The following LRTM1 variants were observed in gnomAD, a reference collection of about 807,000 sequenced individuals.
LRTM1 encodes leucine-rich repeat and transmembrane domain-containing protein 1.
In LRTM1, 38 loss-of-function variants were observed where a neutral mutation model predicts 32.4. That is an observed-to-expected ratio of 1.17 (90% CI 0.91 to 1.54). LRTM1 has a LOEUF of 1.54. Ranked by LOEUF, LRTM1 falls within the 40% of genes most tolerant of loss-of-function variation. LRTM1 has a pLI of 0.00. For synonymous variants in LRTM1, 186 were observed against 169.9 expected, an observed-to-expected ratio of 1.09 and a Z score of -0.74; for missense variants, 466 against 415.4, an observed-to-expected ratio of 1.12 and a Z score of -1.06.
At chr3:54,942,728 A>C (rs1367917339) in intron 1 of LRTM1, among the ~76,000 whole-genome samples, 2 of 152,064 alleles carry the variant, frequency 1.3e-5, no homozygotes, top group African/African-American at 2.4e-5. Context: ...ATCTCTAAAA[A>C]AATAAAAAAA....
chr3:54,945,847 G>T (rs1701599415), intron 1 of LRTM1, among the ~76,000 whole-genome samples: 1 of 152,196 alleles, frequency 6.6e-6, no homozygotes, highest in Admixed American at 6.5e-5. Flanking sequence ...CAGGTAGTCA[G>T]TGGGCAATGC....
chr3:54,951,510 C>G (rs914512743), intron 1 of LRTM1, among the ~76,000 whole-genome samples: 11 of 152,184 alleles, frequency 7.2e-5, no homozygotes, highest in Non-Finnish European at 1.6e-4. Context: ...TGTAGGATTT[C>G]AGTTACTGTG....
intron 1 of LRTM1, among the ~76,000 whole-genome samples, chr3:54,947,457 G>A (rs2107005012): frequency 6.6e-6 from 1 of 152,312 alleles, no homozygotes. Context: ...TGCCAGTGCA[G>A]GATAGGACTT....
intron 1 of LRTM1, among the ~76,000 whole-genome samples, chr3:54,942,005 A>G (rs1224973260): frequency 6.6e-6 from 1 of 152,238 alleles, no homozygotes; most frequent in East Asian, 1.9e-4. Context: ...TCCAGAGATC[A>G]TCACAAGTGG....
chr3:54,952,373 G>A (rs1250717839), intron 1 of LRTM1, among the ~76,000 whole-genome samples: 7 of 152,120 alleles, frequency 4.6e-5, no homozygotes, highest in Admixed American at 3.9e-4. Context: ...GAGGGAGGCC[G>A]CAAACATGAA....
chr3:54,965,016 A>G (rs1702116876), intron 1 of LRTM1, among the ~76,000 whole-genome samples: 1 of 152,104 alleles, frequency 6.6e-6, no homozygotes, highest in African/African-American at 2.4e-5. Flanking sequence ...CCACTTCGAT[A>G]CTAAAGACCT....
rs527378247 is a variant in LRTM1, at chr3:54,920,832, A to G, written c.605-1940T>C. ...CCACCTTGACTAGGGTGGTTTACCC[A>G]ATCACCCCAGACTTAAGAACTGTGT... On this transcript the variant is annotated intron_variant, in intron 2 of 2. Coordinates refer to ENST00000273286, the MANE Select transcript of LRTM1 (RefSeq NM_020678.4). Among the ~76,000 whole-genome samples the G allele has an allele frequency of 1.2e-4, 19 of 152,288 alleles. 1 individual carries two copies. The South Asian group carries it at 3.9e-3, about 32-fold the overall frequency.
At chr3:54,946,687 A>G (rs6778581) in intron 1 of LRTM1, among the ~76,000 whole-genome samples, 40,128 of 151,796 alleles carry the variant, frequency 0.26, 5,623 homozygotes, top group African/African-American at 0.35. Flanking sequence ...ATTTTGGCCA[A>G]CCTCAGAAAA....
chr3:54,930,106 T>C (rs1293192933), upstream of LRTM1, among the ~76,000 whole-genome samples: 2 of 152,218 alleles, frequency 1.3e-5, no homozygotes, highest in Non-Finnish European at 2.9e-5. Context: ...AATCAATGGG[T>C]GTGCCTGCAT....
chr3:54,951,021 T>C (rs1701743947), intron 1 of LRTM1, among the ~76,000 whole-genome samples: 1 of 152,222 alleles, frequency 6.6e-6, no homozygotes. Context: ...TAATATTCCC[T>C]TTACTATCTC....
In LRTM1 at chr3:54,925,082, A is replaced by G. The variant is rs1406058545; in HGVS notation, c.141T>C (p.His47=). The change falls in exon 2 of 3, where the codon CAT becomes CAC. Residue 47 remains histidine, a synonymous_variant. Coordinates refer to ENST00000273286, the MANE Select transcript of LRTM1 (RefSeq NM_020678.4). The stretch of plus-strand genomic sequence containing the variant: ...GCAGCGTTCGAGTCTGAGGAGGTAA[A>G]TGGGAAGGGATTTCGGCCAGACCCT... The part of the protein sequence containing the change: ...SQQGLAEIPS[H]LPPQTRTLHL... 2 of 1,614,116 alleles carry G rather than the reference A, an allele frequency of 1.2e-6. No individual in the cohort carries two copies. The highest frequency in any genetic ancestry group is 1.1e-5 in the South Asian group (1 of 91,078).
chr3:54,957,198 C>T (rs1280010471), intron 1 of LRTM1, among the ~76,000 whole-genome samples: 1 of 151,720 alleles, frequency 6.6e-6, no homozygotes, highest in East Asian at 1.9e-4. Context: ...GGGTTTCTGT[C>T]CCCCAGGCTG....
intron 1 of LRTM1, among the ~76,000 whole-genome samples, chr3:54,959,262 C>G (rs2107041033): frequency 6.6e-6 from 1 of 152,300 alleles, no homozygotes; most frequent in Non-Finnish European, 1.5e-5. Context: ...CAGTTCACCA[C>G]AGTTCCCTGT....
chr3:54,938,187 T>G (rs969136375), intron 1 of LRTM1, among the ~76,000 whole-genome samples: 3 of 152,188 alleles, frequency 2.0e-5, no homozygotes, highest in Non-Finnish European at 4.4e-5. Flanking sequence ...TCCAGTGCAG[T>G]CAAGGAAGAA....
At chr3:54,937,062 G>A (rs1359218220) in intron 1 of LRTM1, among the ~76,000 whole-genome samples, 2 of 152,126 alleles carry the variant, frequency 1.3e-5, no homozygotes, top group Admixed American at 6.5e-5. Context: ...AGCAGTGCCC[G>A]TGTTCACCCC....
intron 1 of LRTM1, 93 bp downstream of exon 1, chr3:54,927,812 C>T (rs1469133765): frequency 3.6e-6 from 5 of 1,370,928 alleles, no homozygotes; most frequent in Non-Finnish European, 4.2e-6. Flanking sequence ...AGACAGACGA[C>T]TTGAAAATAG....
At chr3:54,937,211 T>A (rs934975770) in intron 1 of LRTM1, among the ~76,000 whole-genome samples, 1 of 152,234 alleles carries the variant, frequency 6.6e-6, no homozygotes, top group Non-Finnish European at 1.5e-5. Context: ...AAGAAGTATC[T>A]ACTGAGTGTT....
rs191066216 is a variant in LRTM1 at position 54,942,041 on chromosome 3, G to C, written c.-221-16826C>G. Among the ~76,000 whole-genome samples the C allele has an allele frequency of 2.4e-4, 37 of 152,304 alleles. No homozygotes were observed. The East Asian group carries it at 6.9e-3, about 29-fold the overall frequency. Reference sequence around the variant, plus strand: ...TATTCTTGGGATCAGTTTCTTTCTTGTAAAAATGCGTCCTCAGTCACATAG... The same window carrying C: ...TATTCTTGGGATCAGTTTCTTTCTTCTAAAAATGCGTCCTCAGTCACATAG... On this transcript the variant is annotated intron_variant, in intron 1 of 2. Coordinates refer to the LRTM1 transcript ENST00000493075.
At chr3:54,939,321 C>T (rs1034328104) in intron 1 of LRTM1, among the ~76,000 whole-genome samples, 43 of 152,196 alleles carry the variant, frequency 2.8e-4, no homozygotes, top group Admixed American at 7.9e-4. Flanking sequence ...TTGCCTGAGA[C>T]CCAATTTCTA....
Sources: gnomAD v4.1 joint callset for allele counts (sites outside exome capture counted in the v4.1 genomes callset) on GRCh38, gnomAD v4.1.1 for gene constraint, MANE v1.5 for transcripts, NCBI Gene and HGNC (gene_info 2026-07-23, HGNC 2026-07-21) for gene names.